TRPM1: variants seen among roughly 807,000 people sequenced by gnomAD.
TRPM1 encodes transient receptor potential cation channel subfamily M member 1, also known as TRPM1-203 APA Isoform, Intron 10.
TRPM1 carries 113 observed loss-of-function variants against 149.4 expected under a neutral mutation model. That is an observed-to-expected ratio of 0.76 (90% CI 0.65 to 0.88). The LOEUF is 0.88. Ranked by LOEUF, TRPM1 falls within the 40% of genes least tolerant of loss-of-function variation. The pLI is 0.00. For missense variants in TRPM1, 1,976 were observed against 2,038.7 expected (o/e 0.97, Z 0.59); for synonymous variants, 741 against 759.5 (o/e 0.98, Z 0.40).
chr15:31,062,633 T>TG lies in TRPM1; in HGVS notation c.1034dup (p.Gln346ThrfsTer27). The TG allele has an allele frequency of 6.2e-7, 1 of 1,614,138 alleles. No individual in the cohort carries two copies. The highest frequency in any genetic ancestry group is 8.5e-7 in the Non-Finnish European group (1 of 1,179,936). ...TAATTGCAAACAGCTGATGTGATTG[T>TG]GCCTTATTATAATTAAATGTTTTCT... On this transcript the variant is annotated frameshift_variant, in exon 9 of 28. Coordinates refer to ENST00000256552, the MANE Select transcript of TRPM1 (RefSeq NM_001252024.2). LOFTEE classifies it high-confidence loss of function.
At chr15:31,139,723 T>C (rs1010820695) in intron 1 of TRPM1, among the ~76,000 whole-genome samples, 2 of 152,252 alleles carry the variant, frequency 1.3e-5, no homozygotes, top group African/African-American at 4.8e-5. Flanking sequence ...AACTTTAGCA[T>C]TCTTGCTTAG....
intron 1 of TRPM1, among the ~76,000 whole-genome samples, chr15:31,113,828 G>C (rs959751688): frequency 6.6e-6 from 1 of 152,150 alleles, no homozygotes; most frequent in Non-Finnish European, 1.5e-5. Flanking sequence ...TTATTGTGAA[G>C]ATGTGAACAG....
intron 1 of TRPM1, among the ~76,000 whole-genome samples, chr15:31,087,743 G>T (rs189878582): frequency 6.6e-6 from 1 of 152,176 alleles, no homozygotes; most frequent in South Asian, 2.1e-4. Context: ...AGGACATGGC[G>T]ATAAGTGAAA....
chr15:31,117,845 C>G (rs139625843), intron 1 of TRPM1, among the ~76,000 whole-genome samples: 1 of 152,204 alleles, frequency 6.6e-6, no homozygotes, highest in East Asian at 1.9e-4. Context: ...AGAGGCTAGA[C>G]ATTACCAAGA....
chr15:31,089,613 C>T (rs984960876), intron 1 of TRPM1, among the ~76,000 whole-genome samples: 3 of 152,112 alleles, frequency 2.0e-5, no homozygotes, highest in East Asian at 3.9e-4. Flanking sequence ...GTCACTGGCT[C>T]GGGAGAGTTT....
chr15:31,144,168 AG>A (rs1481672706), intron 1 of TRPM1, among the ~76,000 whole-genome samples: 1 of 152,180 alleles, frequency 6.6e-6, no homozygotes, highest in East Asian at 1.9e-4. Flanking sequence ...GGCCAGGTAC[AG>A]TGGTTCACAC....
At chr15:31,070,461 C>T (rs752713666) in intron 3 of TRPM1, 39 of 699,096 alleles carry the variant, frequency 5.6e-5, no homozygotes, top group South Asian at 2.5e-4. Flanking sequence ...GTTGCTCTTT[C>T]GGAAAATATT....
At chr15:31,117,676 A>G (rs1182929103) in intron 1 of TRPM1, among the ~76,000 whole-genome samples, 1 of 148,358 alleles carries the variant, frequency 6.7e-6, no homozygotes, top group African/African-American at 2.6e-5. Flanking sequence ...ACACACACAC[A>G]CACACACACA....
At chr15:31,103,628 C>A (rs1411775860), upstream of TRPM1, among the ~76,000 whole-genome samples, 1 of 151,902 alleles carries the variant, frequency 6.6e-6, no homozygotes. Context: ...GCCTGGCCAA[C>A]ATGGTGAAAC....
In TRPM1 at chr15:31,040,173, A is replaced by G; in HGVS notation, c.2261T>C (p.Leu754Pro). 1.2e-6 allele frequency: 2 copies of G among 1,614,168 alleles called. No homozygotes were observed. Among genetic ancestry groups the G allele is most frequent in the Non-Finnish European group, 1.7e-6 (2 of 1,180,020 alleles). ...TCTTCCCATCCACATATCGGTCAGC[A>G]GCATCTGGCTGCAGGTGTGAGCAAT... The part of the protein sequence containing the change: ...DFIAHTCSQM[L>P]LTDMWMGRLR... The change falls in exon 18 of 28, where the codon CTG (leucine) becomes CCG (proline). Residue 754 changes from leucine to proline, a missense_variant. This residue lies in a region of TRPM1 where 1,332 missense variants were observed against 1,347.1 expected (regional missense o/e 0.99). Transcript: ENST00000256552. The surrounding 1 kb of genome is among the most constrained non-coding windows in gnomAD (Gnocchi z 4.2).
intron 1 of TRPM1, among the ~76,000 whole-genome samples, chr15:31,092,606 A>G (rs2035269727): frequency 6.6e-6 from 1 of 152,218 alleles, no homozygotes; most frequent in Non-Finnish European, 1.5e-5. Context: ...TGTCTCAGGA[A>G]GTGGAGCAGG....
intron 8 of TRPM1, 180 bp from the exon 9 acceptor site, chr15:31,062,882 G>T: frequency 1.0e-6 from 1 of 982,262 alleles, no homozygotes; most frequent in Non-Finnish European, 1.5e-6. Flanking sequence ...CAGCTTTGTT[G>T]CAAACTTTCT....
At chr15:31,068,783 G>A (rs936447641) in intron 4 of TRPM1, among the ~76,000 whole-genome samples, 4 of 146,338 alleles carry the variant, frequency 2.7e-5, no homozygotes, top group African/African-American at 1.0e-4. Context: ...GACTCAGAGA[G>A]CTTGTTCTCT....
In TRPM1 at chr15:31,053,451, C is replaced by T. The variant is rs938689278; in HGVS notation, c.1264-2869G>A. Among the ~76,000 whole-genome samples, 9 of 145,920 alleles carry T rather than the reference C, an allele frequency of 6.2e-5. No homozygotes were observed. In the South Asian group the frequency reaches 8.6e-4, roughly 14 times the overall value. On this transcript the variant is annotated intron_variant, in intron 11 of 27. Coordinates refer to ENST00000256552, the MANE Select transcript of TRPM1 (RefSeq NM_001252024.2). ...TTTTTTTCTGTATTTTTAGTAGAGA[C>T]GGGGTTTCGCCATGTTGGCCAGGCT...
chr15:31,114,106 G>C (rs540007238), intron 1 of TRPM1, among the ~76,000 whole-genome samples: 9 of 152,272 alleles, frequency 5.9e-5, no homozygotes, highest in Admixed American at 5.9e-4. Flanking sequence ...ACTGGACACA[G>C]AAGCCCAGCT....
At chr15:31,082,358 T>C (rs906323543) in intron 1 of TRPM1, among the ~76,000 whole-genome samples, 1 of 152,034 alleles carries the variant, frequency 6.6e-6, no homozygotes, top group Admixed American at 6.6e-5. Context: ...CCCGGCTGAG[T>C]GAAGGGACAG....
At chr15:31,005,101 C>CAAAA (rs1376877826) in intron 27 of TRPM1, among the ~76,000 whole-genome samples, 1 of 66,624 alleles carries the variant, frequency 1.5e-5, no homozygotes, top group East Asian at 2.5e-4. Flanking sequence ...GACTCCATCT[C>CAAAA]AAAAAATAAA....
chr15:31,053,514 T>G (rs368236600), intron 11 of TRPM1, among the ~76,000 whole-genome samples: 1 of 151,940 alleles, frequency 6.6e-6, no homozygotes, highest in South Asian at 2.1e-4. Context: ...CCACCTGCCT[T>G]GGCCTCCCAA....
rs181149610 is a variant in TRPM1 at position 31,057,711 on chromosome 15, G to A, written c.1263+2833C>T. 2.0e-5 allele frequency among the ~76,000 whole-genome samples: 3 copies of A among 152,234 alleles called. No homozygotes were observed. In the East Asian group the frequency reaches 5.8e-4, roughly 29 times the overall value. On this transcript the variant is annotated intron_variant, in intron 11 of 27. Transcript: ENST00000256552. ...CTTGATATATCCACGTTGCTGACAA[G>A]AGCCTTGATATGGTTTGGCTCTGTG...
Sources: allele counts gnomAD v4.1 joint callset (sites outside exome capture counted in the v4.1 genomes callset), GRCh38; gene constraint gnomAD v4.1.1; regional missense constraint gnomAD v4.1.1; non-coding constraint Gnocchi (gnomAD v3.1); transcripts MANE v1.5; gene names NCBI Gene and HGNC (gene_info 2026-07-23, HGNC 2026-07-21).